SORCS2: variants seen among roughly 807,000 people sequenced by gnomAD.
The protein encoded by SORCS2 is VPS10 domain-containing receptor SorCS2.
SORCS2 carries 100 observed loss-of-function variants against 141.6 expected under a neutral mutation model. That is an observed-to-expected ratio of 0.71 (90% CI 0.60 to 0.83). The LOEUF is 0.83. Among genes scored for constraint, SORCS2 ranks in the 40% least tolerant of loss-of-function variants. The pLI is 0.00. For missense variants in SORCS2, 1,646 were observed against 1,560.2 expected, an observed-to-expected ratio of 1.05 and a Z score of -0.93; for synonymous variants, 789 against 676.9, an observed-to-expected ratio of 1.17 and a Z score of -2.57.
intron 2 of SORCS2, among the ~76,000 whole-genome samples, chr4:7,502,803 G>A (rs2109434488): frequency 6.6e-6 from 1 of 152,350 alleles, no homozygotes; most frequent in South Asian, 2.1e-4. Context: ...AGCCGGCCTT[G>A]CCCCCACGGC....
At chr4:7,581,711 A>G (rs1393113056) in intron 3 of SORCS2, among the ~76,000 whole-genome samples, 2 of 152,164 alleles carry the variant, frequency 1.3e-5, no homozygotes, top group Non-Finnish European at 2.9e-5. Context: ...CAGGTTGCTT[A>G]GGGTCCCCCA....
At chr4:7,564,821 AGC>A (rs1714850023) in intron 3 of SORCS2, among the ~76,000 whole-genome samples, 2 of 152,364 alleles carry the variant, frequency 1.3e-5, no homozygotes, top group South Asian at 4.1e-4. Context: ...AAAGAAAAGA[AGC>A]AAATGGTCCC....
At chr4:7,542,663 T>G (rs561449717) in intron 3 of SORCS2, among the ~76,000 whole-genome samples, 2 of 152,362 alleles carry the variant, frequency 1.3e-5, no homozygotes, top group South Asian at 4.1e-4. Context: ...TTCCACTGTT[T>G]GAAGGCACCA....
At chr4:7,248,446 T>C (rs1164104440) in intron 1 of SORCS2, among the ~76,000 whole-genome samples, 1 of 152,206 alleles carries the variant, frequency 6.6e-6, no homozygotes. Flanking sequence ...CAATTCCTCA[T>C]CTGTAATAAA....
At chr4:7,698,109 C>T (rs1724828544) in intron 12 of SORCS2, among the ~76,000 whole-genome samples, 1 of 152,200 alleles carries the variant, frequency 6.6e-6, no homozygotes, top group South Asian at 2.1e-4. Flanking sequence ...GGGGGCACCG[C>T]CTCACTGTAC....
rs59264911 is a variant in SORCS2 at position 7,195,171 on chromosome 4, G to GGT, written c.480+2070_480+2071dup. On this transcript the variant is annotated intron_variant, in intron 1 of 26. Coordinates refer to ENST00000507866, the MANE Select transcript of SORCS2 (RefSeq NM_020777.3). Reference sequence around the variant, plus strand: ...TGGGCTTGCGTCCTCACTGCTGGCAGGTGTGTGTGTGTGTGTGTGTGTGTG... The same window carrying GGT: ...TGGGCTTGCGTCCTCACTGCTGGCAGGTGTGTGTGTGTGTGTGTGTGTGTGTG... Among the ~76,000 whole-genome samples the GGT allele has an allele frequency of 3.3e-3, 465 of 142,622 alleles. 2 individuals carry two copies. Among genetic ancestry groups the GGT allele is most frequent in the East Asian group, 7.7e-3 (36 of 4,694 alleles). The allele number at this position is 142,622 out of a possible 152,430, so 93.6% of individuals were successfully genotyped here. A position where few individuals can be genotyped will look rare whatever the true frequency, so the allele number is the denominator to read the frequency against.
chr4:7,614,121 C>A (rs1718598899), intron 3 of SORCS2, among the ~76,000 whole-genome samples: 1 of 150,660 alleles, frequency 6.6e-6, no homozygotes, highest in Non-Finnish European at 1.5e-5. Flanking sequence ...ATCCTCTTAC[C>A]CACTGTCCAT....
At chr4:7,522,241 G>T (rs1733374833) in intron 2 of SORCS2, among the ~76,000 whole-genome samples, 1 of 152,204 alleles carries the variant, frequency 6.6e-6, no homozygotes, top group Non-Finnish European at 1.5e-5. Flanking sequence ...CTGAGGAGGA[G>T]GGGTGGGCAC....
chr4:7,279,882 T>G (rs1279114816), intron 1 of SORCS2, among the ~76,000 whole-genome samples: 1 of 121,938 alleles, frequency 8.2e-6, no homozygotes, highest in Admixed American at 1.1e-4. Flanking sequence ...ATTAATCCAC[T>G]GTGTTACATT....
chr4:7,676,810 T>TCCCTCTCCCTCTCTCCACCCCAGCC, intron 9 of SORCS2, among the ~76,000 whole-genome samples: 1 of 47,978 alleles, frequency 2.1e-5, no homozygotes, highest in Non-Finnish European at 4.5e-5. Context: ...TCTGTCTCTC[T>TCCCTCTCCCTCTCTCCACCCCAGCC]CTCTCTCTCT....
At chr4:7,398,026 A>C (rs1395408760) in intron 2 of SORCS2, among the ~76,000 whole-genome samples, 1 of 152,196 alleles carries the variant, frequency 6.6e-6, no homozygotes, top group East Asian at 1.9e-4. Context: ...GCCTCTCAGC[A>C]TGGCTGGATG....
At position 7,252,098 on chromosome 4, in the gene SORCS2, C is replaced by T. The variant is rs78246398; in HGVS notation, c.480+58972C>T. On this transcript the variant is annotated intron_variant, in intron 1 of 26. Transcript: ENST00000507866. ...CAACTCCCTGACCCCTGCAGTACCA[C>T]CCTCAGCAGTGAGCCCCTCACCCCT... Among the ~76,000 whole-genome samples the T allele has an allele frequency of 8.9e-3, 1,362 of 152,328 alleles. 22 individuals carry two copies. The highest frequency in any genetic ancestry group is 0.031 in the African/African-American group (1,303 of 41,574).
At chr4:7,446,475 C>A (rs768791001) in intron 2 of SORCS2, among the ~76,000 whole-genome samples, 7 of 152,214 alleles carry the variant, frequency 4.6e-5, no homozygotes, top group Non-Finnish European at 1.0e-4. Context: ...TGTTGGGGTA[C>A]AAGCTGGGGT....
chr4:7,276,228 C>A (rs115584327), intron 1 of SORCS2, among the ~76,000 whole-genome samples: 274 of 152,274 alleles, frequency 1.8e-3, no homozygotes, highest in Non-Finnish European at 3.1e-3. Context: ...GTGTGTGGAT[C>A]ATCCTCAGGG....
chr4:7,540,835 C>T (rs1212729092), intron 3 of SORCS2, among the ~76,000 whole-genome samples: 1 of 152,216 alleles, frequency 6.6e-6, no homozygotes, highest in Non-Finnish European at 1.5e-5. Flanking sequence ...CTCATCTGGT[C>T]ATGTGGACTG....
At chr4:7,717,004 G>T (rs75438560) in intron 17 of SORCS2, among the ~76,000 whole-genome samples, 163 of 152,358 alleles carry the variant, frequency 1.1e-3, no homozygotes, top group African/African-American at 3.7e-3. Flanking sequence ...GAGGGCAAGA[G>T]GGGGGATCAG....
chr4:7,510,673 C>A (rs1732575835), intron 2 of SORCS2, among the ~76,000 whole-genome samples: 1 of 148,820 alleles, frequency 6.7e-6, no homozygotes, highest in African/African-American at 2.5e-5. Context: ...GAAATGCGAC[C>A]CCGGGGCCGG....
rs572789483 is a variant in SORCS2, at chr4:7,691,536, C to T, written c.1591+1948C>T. Among the ~76,000 whole-genome samples, 8 of 152,158 alleles carry T rather than the reference C, an allele frequency of 5.3e-5. No individual in the cohort carries two copies. In the East Asian group the frequency reaches 7.8e-4, roughly 15 times the overall value. On this transcript the variant is annotated intron_variant, in intron 11 of 26. Transcript: ENST00000507866. ...ATTGTGAACAAAGCCCTTCAGCTTC[C>T]GGAGTTCCTCTGCATGCTCTATATG...
In SORCS2 at chr4:7,708,070, C is replaced by T. The variant is rs375162240; in HGVS notation, c.1868+3786C>T. ...GTCAGGAGGATTCCGGGAAGCAGAA[C>T]GTCTGTGCCCAGGAAATGACATTTC... On this transcript the variant is annotated intron_variant, in intron 14 of 26. Coordinates refer to ENST00000507866, the MANE Select transcript of SORCS2 (RefSeq NM_020777.3). 1.4e-4 allele frequency among the ~76,000 whole-genome samples: 21 copies of T among 152,292 alleles called. No individual in the cohort carries two copies. The South Asian group carries it at 3.9e-3, about 29-fold the overall frequency.
Sources: gnomAD v4.1 joint callset for allele counts (sites outside exome capture counted in the v4.1 genomes callset) on GRCh38, gnomAD v4.1.1 for gene constraint, MANE v1.5 for transcripts, NCBI Gene and HGNC (gene_info 2026-07-23, HGNC 2026-07-21) for gene names.